KANK1: variants seen among roughly 807,000 people sequenced by gnomAD.
KANK1 encodes the protein KN motif and ankyrin repeat domains 1, also known as KN motif and ankyrin repeat domain-containing protein 1.
KANK1 carries 109 observed loss-of-function variants against 106.2 expected under a neutral mutation model. The ratio of observed to expected loss-of-function variants is 1.03; its 90% CI spans 0.88 to 1.20. KANK1 has a LOEUF of 1.20. Ranked by LOEUF, KANK1 falls within the 50% of genes most tolerant of loss-of-function variation. KANK1 has a pLI of 0.00. For synonymous variants in KANK1, 873 were observed against 652.2 expected (o/e 1.34, Z -5.16); for missense variants, 2,399 against 1,710.7 (o/e 1.40, Z -7.10).
intron 1 of KANK1, among the ~76,000 whole-genome samples, chr9:543,694 A>G (rs1040207166): frequency 6.6e-6 from 1 of 152,230 alleles, no homozygotes; most frequent in Non-Finnish European, 1.5e-5. Flanking sequence ...ATTGTGCATT[A>G]TGCTGTCAGT....
intron 1 of KANK1, among the ~76,000 whole-genome samples, chr9:524,971 A>T (rs1017101508): frequency 8.2e-5 from 11 of 134,280 alleles, no homozygotes; most frequent in African/African-American, 2.7e-4. Flanking sequence ...TCAATCCCAA[A>T]CTCTTGCTGC....
At chr9:624,950 T>G (rs892780824) in intron 1 of KANK1, among the ~76,000 whole-genome samples, 15 of 152,240 alleles carry the variant, frequency 9.9e-5, no homozygotes, top group African/African-American at 3.6e-4. Flanking sequence ...TTGGACTTAC[T>G]TTATGCCCTG....
chr9:574,140 G>A (rs1426945482), intron 1 of KANK1, among the ~76,000 whole-genome samples: 2 of 152,174 alleles, frequency 1.3e-5, no homozygotes, highest in East Asian at 1.9e-4. Context: ...GTTCTCTGCC[G>A]CACATGTTTG....
intron 2 of KANK1, among the ~76,000 whole-genome samples, chr9:686,582 A>C (rs12336201): frequency 0.062 from 9,370 of 152,124 alleles, 953 homozygotes; most frequent in African/African-American, 0.21. Context: ...GCTTACAGGA[A>C]AAAAAAATTA....
Position 710,869 on chromosome 9 carries a change from AC to A in KANK1, c.108del (p.Tyr37MetfsTer5), listed in dbSNP as rs1825851371. On this transcript the variant is annotated frameshift_variant, in exon 3 of 12. Coordinates refer to ENST00000382297, the MANE Select transcript of KANK1 (RefSeq NM_015158.5). LOFTEE classifies it high-confidence loss of function. The part of the protein sequence containing the change: ...KEQKDPYFVE[T>X]PYGYQLDLDF... ...ACAGAAAGACCCTTACTTTGTGGAG[AC>A]CCCCTATGGTTATCAACTAGACTTA... The A allele has an allele frequency of 6.2e-7, 1 of 1,613,528 alleles. No homozygotes were observed. The highest frequency in any genetic ancestry group is 8.5e-7 in the Non-Finnish European group (1 of 1,179,782).
chr9:725,001 A>G (rs1394074882), intron 3 of KANK1, among the ~76,000 whole-genome samples: 2 of 152,220 alleles, frequency 1.3e-5, no homozygotes, highest in Admixed American at 6.5e-5. Context: ...ATCAAGTCAC[A>G]TAGTGTGAAA....
At chr9:611,145 G>A (rs1830453726) in intron 1 of KANK1, among the ~76,000 whole-genome samples, 1 of 152,172 alleles carries the variant, frequency 6.6e-6, no homozygotes, top group Non-Finnish European at 1.5e-5. Context: ...GACATGTGAG[G>A]AGGTTTTTTG....
chr9:666,534 A>T (rs1844626328), intron 1 of KANK1, among the ~76,000 whole-genome samples: 1 of 152,140 alleles, frequency 6.6e-6, no homozygotes. Flanking sequence ...TCTTAGTGGA[A>T]AGCCTTTTAG....
chr9:710,689 G>A (rs1825787840), intron 2 of KANK1, 115 bp from the exon 3 acceptor site: 2 of 831,562 alleles, frequency 2.4e-6, no homozygotes, highest in Non-Finnish European at 3.6e-6. Context: ...TCAAAACATA[G>A]GTGTGTCAAC....
At chr9:475,929 T>C (rs1158283718) in intron 3 of KANK1, among the ~76,000 whole-genome samples, 2 of 151,898 alleles carry the variant, frequency 1.3e-5, no homozygotes, top group Admixed American at 1.3e-4. Context: ...CTCAGCTCAC[T>C]GCAACCTCTG....
intron 2 of KANK1, among the ~76,000 whole-genome samples, chr9:692,047 G>T (rs1820070729): frequency 6.6e-6 from 1 of 152,164 alleles, no homozygotes; most frequent in Admixed American, 6.5e-5. Context: ...CAATAAAACA[G>T]AGATCAACAA....
rs537044892 is a variant in KANK1, at chr9:722,093, C to A, written c.2699-7958C>A. On this transcript the variant is annotated intron_variant, in intron 3 of 11. Transcript: ENST00000382297. Reference sequence around the variant, plus strand: ...TCTTACTTCTGACCTCCAAGCTGTCCTTGTTCATTCCTAGGCACAGGCCAA... The same window carrying A: ...TCTTACTTCTGACCTCCAAGCTGTCATTGTTCATTCCTAGGCACAGGCCAA... Among the ~76,000 whole-genome samples the A allele has an allele frequency of 6.6e-5, 10 of 152,300 alleles. No individual in the cohort carries two copies. The East Asian group carries it at 1.9e-3, about 29-fold the overall frequency.
intron 1 of KANK1, among the ~76,000 whole-genome samples, chr9:567,491 G>A (rs1178000920): frequency 1.3e-5 from 2 of 152,216 alleles, no homozygotes; most frequent in African/African-American, 4.8e-5. Flanking sequence ...CAGGAATGAC[G>A]AAGGACAACT....
At chr9:709,538 A>T (rs977161264) in intron 2 of KANK1, among the ~76,000 whole-genome samples, 4 of 151,354 alleles carry the variant, frequency 2.6e-5, no homozygotes, top group African/African-American at 9.7e-5. Context: ...CAGGAATCTT[A>T]ATGTCTGCTG....
In KANK1 at chr9:646,559, G is replaced by T. The variant is rs111643747; in HGVS notation, c.-83-30331G>T. 8.6e-4 allele frequency among the ~76,000 whole-genome samples: 129 copies of T among 150,328 alleles called. 5 individuals carry two copies. The highest frequency in any genetic ancestry group is 3.1e-3 in the African/African-American group (122 of 39,894). On this transcript the variant is annotated intron_variant, in intron 1 of 11. Coordinates refer to ENST00000382297, the MANE Select transcript of KANK1 (RefSeq NM_015158.5). The stretch of plus-strand genomic sequence containing the variant: ...TTCAGACTTTGTAAAATAATATGTT[G>T]AACATGATTAATCATCTCTCAGTTA...
At chr9:728,035 C>G (rs1831202263) in intron 3 of KANK1, among the ~76,000 whole-genome samples, 1 of 152,054 alleles carries the variant, frequency 6.6e-6, no homozygotes, top group African/African-American at 2.4e-5. Context: ...AACATTAAAA[C>G]AGAGATCTTA....
chr9:569,137 C>T (rs1462191320), intron 1 of KANK1, among the ~76,000 whole-genome samples: 3 of 152,118 alleles, frequency 2.0e-5, no homozygotes, highest in East Asian at 1.9e-4. Flanking sequence ...CTGCCTGACC[C>T]AGTCCTGCCC....
intron 1 of KANK1, among the ~76,000 whole-genome samples, chr9:517,873 G>A (rs2059359836): frequency 6.6e-6 from 1 of 151,230 alleles, no homozygotes; most frequent in Non-Finnish European, 1.5e-5. Context: ...CAAGTAGCTG[G>A]AATTACGGAG....
rs1489154697 is a variant in KANK1, at chr9:743,755, T to G, written c.3898-736T>G. Among the ~76,000 whole-genome samples, 4 of 152,128 alleles carry G rather than the reference T, an allele frequency of 2.6e-5. No homozygotes were observed. In the East Asian group the frequency reaches 7.7e-4, roughly 29 times the overall value. On this transcript the variant is annotated intron_variant, in intron 10 of 11. Transcript: ENST00000382297. ...TATGCACCTGTAGTCTCAGATACCG[T>G]GGTGGTTGAGGCAGGAGAATCACTT...
Sources: allele counts gnomAD v4.1 joint callset (sites outside exome capture counted in the v4.1 genomes callset), GRCh38; gene constraint gnomAD v4.1.1; transcripts MANE v1.5; gene names NCBI Gene and HGNC (gene_info 2026-07-23, HGNC 2026-07-21).